The following EDN1 variants were observed in gnomAD, a reference collection of about 807,000 sequenced individuals.
EDN1 encodes the protein endothelin-1.
Under a neutral mutation model 21.7 loss-of-function variants are expected in EDN1, and 11 were observed. That is an observed-to-expected ratio of 0.51 (90% CI 0.32 to 0.84). The LOEUF (loss-of-function observed/expected upper bound fraction) is 0.84. Ranked by LOEUF, EDN1 falls within the 40% of genes least tolerant of loss-of-function variation. The probability of loss-of-function intolerance (pLI) is 0.03; values close to 1 mark genes in which losing one functional copy is unlikely to be tolerated. For missense variants in EDN1, 244 were observed against 262.3 expected, an observed-to-expected ratio of 0.93 and a Z score of 0.48; for synonymous variants, 85 against 90.6, an observed-to-expected ratio of 0.94 and a Z score of 0.35.
the EDN1 span, among the ~76,000 whole-genome samples, chr6:12,272,544 A>G: frequency 1.5e-5 from 2 of 137,420 alleles, no homozygotes; most frequent in African/African-American, 5.5e-5. Context: ...TGCAACCTGC[A>G]CCTCCTTCAT....
the EDN1 span, among the ~76,000 whole-genome samples, chr6:12,257,687 T>G: frequency 6.6e-6 from 1 of 152,184 alleles, no homozygotes; most frequent in African/African-American, 2.4e-5. Flanking sequence ...TTAACAGAAT[T>G]ACCTATCTTA....
chr6:12,275,770 C>T, the EDN1 span, among the ~76,000 whole-genome samples: 2 of 151,042 alleles, frequency 1.3e-5, no homozygotes, highest in Non-Finnish European at 2.9e-5. Context: ...ACTCTTTGAG[C>T]GAGAGGACTT....
chr6:12,261,990 C>G, the EDN1 span, among the ~76,000 whole-genome samples: 1 of 152,120 alleles, frequency 6.6e-6, no homozygotes, highest in Non-Finnish European at 1.5e-5. Flanking sequence ...AAGGCATCAA[C>G]AGAACAAATG....
At chr6:12,246,908 CAATT>C in the EDN1 span, among the ~76,000 whole-genome samples, 3 of 152,148 alleles carry the variant, frequency 2.0e-5, no homozygotes, top group Non-Finnish European at 4.4e-5. Flanking sequence ...TTGTAAGAAT[CAATT>C]GTTATTATGT....
chr6:12,239,710 A>G, the EDN1 span, among the ~76,000 whole-genome samples: 3 of 152,004 alleles, frequency 2.0e-5, no homozygotes, highest in Admixed American at 2.0e-4. Context: ...GGAGTTTGAG[A>G]TCAGCTTGGG....
the EDN1 span, among the ~76,000 whole-genome samples, chr6:12,270,602 T>G: frequency 6.6e-6 from 1 of 152,218 alleles, no homozygotes; most frequent in Non-Finnish European, 1.5e-5. Context: ...CTCCTGTTAC[T>G]GATTTCTAAT....
chr6:12,268,409 G>A, the EDN1 span, among the ~76,000 whole-genome samples: 1 of 152,006 alleles, frequency 6.6e-6, no homozygotes, highest in Non-Finnish European at 1.5e-5. Flanking sequence ...ATCACAAAAT[G>A]TTTTCCCTAT....
Position 12,290,492 on chromosome 6 carries a change from C to G in EDN1, c.-138C>G, listed in dbSNP as rs1003329958. ...CCTGGCAGGCGCTGCCTTTTCTCCCCGTTAAAAGGGCACTTGGGCTGAAGG... is the reference window on the plus strand; with the variant it reads ...CCTGGCAGGCGCTGCCTTTTCTCCCGGTTAAAAGGGCACTTGGGCTGAAGG... On this transcript the variant is annotated 5_prime_UTR_variant, in exon 1 of 5. Transcript: ENST00000379375. 2 of 653,476 alleles carry G rather than the reference C, an allele frequency of 3.1e-6. No homozygotes were observed. The highest frequency in any genetic ancestry group is 3.0e-5 in the East Asian group (1 of 33,538). 40.5% of individuals were successfully genotyped at this position (653,476 alleles called of 1,614,324 possible).
chr6:12,276,054 C>T, the EDN1 span, among the ~76,000 whole-genome samples: 10 of 149,198 alleles, frequency 6.7e-5, no homozygotes, highest in South Asian at 6.4e-4. Context: ...CCCAGCTACT[C>T]GGGAGGCTGA....
chr6:12,262,870 T>TAA, the EDN1 span, among the ~76,000 whole-genome samples: 3 of 130,190 alleles, frequency 2.3e-5, no homozygotes, highest in Admixed American at 7.8e-5. Flanking sequence ...AAAACCCTGT[T>TAA]TAAAAAAAAA....
chr6:12,232,359 G>GT, the EDN1 span, among the ~76,000 whole-genome samples: 5 of 148,814 alleles, frequency 3.4e-5, no homozygotes, highest in African/African-American at 7.4e-5. Context: ...TAGTTATTGG[G>GT]TTTTTTTTTC....
rs1468699898 is a variant in EDN1, at chr6:12,290,535, G to A, written c.-95G>A. On this transcript the variant is annotated 5_prime_UTR_variant, in exon 1 of 5. Transcript: ENST00000379375. ...GCTGAAGGATCGCTTTGAGATCTGAGGAACCCGCAGCGCTTTGAGGGACCT... is the reference window on the plus strand; with the variant it reads ...GCTGAAGGATCGCTTTGAGATCTGAAGAACCCGCAGCGCTTTGAGGGACCT... 6.9e-6 allele frequency: 7 copies of A among 1,018,806 alleles called. No homozygotes were observed. In the African/African-American group the frequency reaches 9.4e-5, roughly 14 times the overall value. The allele number at this position is 1,018,806 out of a possible 1,614,324, so 63.1% of individuals were successfully genotyped here.
intron 3 of EDN1, 80 bp from the exon 4 acceptor site, chr6:12,294,181 G>C (rs1762764816): frequency 6.2e-7 from 1 of 1,613,000 alleles, no homozygotes; most frequent in African/African-American, 1.3e-5. Flanking sequence ...CTGTTTTAGA[G>C]AGACTAACAG....
the EDN1 span, among the ~76,000 whole-genome samples, chr6:12,272,256 C>A: frequency 6.6e-6 from 1 of 152,046 alleles, no homozygotes; most frequent in Non-Finnish European, 1.5e-5. Context: ...GAAACCAGGG[C>A]TACCTTTTTA....
the EDN1 span, among the ~76,000 whole-genome samples, chr6:12,251,595 A>T: frequency 6.6e-6 from 1 of 152,234 alleles, no homozygotes; most frequent in Non-Finnish European, 1.5e-5. Flanking sequence ...AGGATGTCAG[A>T]TTAAAAACAA....
the EDN1 span, among the ~76,000 whole-genome samples, chr6:12,277,942 G>T: frequency 5.9e-5 from 9 of 152,218 alleles, no homozygotes; most frequent in African/African-American, 2.2e-4. Context: ...CAAGCCTGTG[G>T]TTTTTATTTT....
the EDN1 span, among the ~76,000 whole-genome samples, chr6:12,260,675 C>A: frequency 6.6e-6 from 1 of 152,150 alleles, no homozygotes; most frequent in Non-Finnish European, 1.5e-5. Context: ...ATGCCTTTTA[C>A]TGTCTTTTGC....
chr6:12,249,518 G>A, the EDN1 span, among the ~76,000 whole-genome samples: 2 of 150,412 alleles, frequency 1.3e-5, no homozygotes, highest in Non-Finnish European at 1.5e-5. Context: ...AGGGGATCTA[G>A]GATGCTATGC....
the EDN1 span, among the ~76,000 whole-genome samples, chr6:12,237,895 C>T: frequency 3.3e-5 from 5 of 152,096 alleles, no homozygotes; most frequent in Admixed American, 1.3e-4. Flanking sequence ...ACCCAGCGGG[C>T]GCGGTGGCTC....
Sources: allele counts gnomAD v4.1 joint callset (sites outside exome capture counted in the v4.1 genomes callset), GRCh38; gene constraint gnomAD v4.1.1; transcripts MANE v1.5; gene names NCBI Gene and HGNC (gene_info 2026-07-23, HGNC 2026-07-21).